Variants in TMCC1 observed in about 807,000 individuals in gnomAD.
TMCC1 encodes the protein transmembrane and coiled-coil domains protein 1.
TMCC1 carries 15 observed loss-of-function variants against 52.4 expected under a neutral mutation model. That is an observed-to-expected ratio of 0.29 (90% CI 0.19 to 0.44). The LOEUF is 0.44. TMCC1 is among the 20% of genes least tolerant of loss of function. TMCC1 has a pLI of 1.00. For missense variants in TMCC1, 503 were observed against 806.0 expected (o/e 0.62, Z 4.55); for synonymous variants, 279 against 301.9 (o/e 0.92, Z 0.79).
chr3:129,869,664 G>C (rs79594172), intron 2 of TMCC1, among the ~76,000 whole-genome samples: 1 of 152,346 alleles, frequency 6.6e-6, no homozygotes, highest in African/African-American at 2.4e-5. Context: ...CCCATAGGTA[G>C]TAATTCTTGG....
At chr3:129,797,571 A>G (rs2056919196) in intron 4 of TMCC1, among the ~76,000 whole-genome samples, 1 of 152,000 alleles carries the variant, frequency 6.6e-6, no homozygotes, top group African/African-American at 2.4e-5. Flanking sequence ...GTGAAACACC[A>G]TCTCTACAAA....
At chr3:129,885,144 A>C (rs573908561) in intron 1 of TMCC1, among the ~76,000 whole-genome samples, 1 of 152,054 alleles carries the variant, frequency 6.6e-6, no homozygotes, top group South Asian at 2.1e-4. Flanking sequence ...GTTTCTACAT[A>C]AATAAGTAAA....
chr3:129,715,727 C>T (rs1402927372), intron 4 of TMCC1, among the ~76,000 whole-genome samples: 2 of 152,074 alleles, frequency 1.3e-5, no homozygotes, highest in African/African-American at 4.8e-5. Flanking sequence ...TTTTACTTGA[C>T]ATTGTGAGTG....
At chr3:129,807,195 T>C (rs59389575) in intron 4 of TMCC1, among the ~76,000 whole-genome samples, 2,365 of 152,224 alleles carry the variant, frequency 0.016, 47 homozygotes, top group African/African-American at 0.054. Flanking sequence ...GGTACTGAAA[T>C]ATATAATTTA....
At chr3:129,681,770 T>C (rs1196526270) in intron 4 of TMCC1, among the ~76,000 whole-genome samples, 1 of 151,962 alleles carries the variant, frequency 6.6e-6, no homozygotes, top group African/African-American at 2.4e-5. Context: ...TAGCCAGGCA[T>C]GGTGGTGCAC....
chr3:129,792,104 TG>T (rs1283620860), intron 4 of TMCC1, among the ~76,000 whole-genome samples: 3 of 151,672 alleles, frequency 2.0e-5, no homozygotes, highest in Admixed American at 2.0e-4. Flanking sequence ...ACTCTACTCC[TG>T]TGGAAAATTA....
chr3:129,701,235 C>T (rs761856674), intron 4 of TMCC1, among the ~76,000 whole-genome samples: 6 of 152,068 alleles, frequency 3.9e-5, no homozygotes, highest in East Asian at 1.9e-4. Context: ...AATTAACATC[C>T]GCAGTCACTG....
chr3:129,655,201 T>C (rs1253588775), intron 5 of TMCC1, 98 bp from the exon 6 acceptor site: 11 of 1,428,436 alleles, frequency 7.7e-6, no homozygotes, highest in Admixed American at 6.6e-5. Flanking sequence ...TACAAAGGAA[T>C]AGAAGCACAA....
rs1029679336 is a variant in TMCC1 at position 129,670,537 on chromosome 3, C to T, written c.1304G>A (p.Ser435Asn). Residue 435 changes from serine (S) to asparagine (N), a missense_variant, in exon 5 of 7, where the codon AGC becomes AAC. Around this residue, in one of 7 missense-constraint regions of TMCC1, gnomAD observed 121 missense variants for 193.6 expected, o/e 0.62. Transcript: ENST00000393238. ...TCCTACAGCGATGCCCCCTGTGGTG[C>T]TGTTGGCTCCCACTGAGCCTGAAGT... The part of the protein sequence containing the change: ...SATSGSVGAN[S>N]TTGGIAVGAS... 6.2e-7 allele frequency: 1 copy of T among 1,614,102 alleles called. No homozygotes were observed. The highest frequency in any genetic ancestry group is 8.5e-7 in the Non-Finnish European group (1 of 1,180,044).
At chr3:129,876,230 C>T (rs2061202982) in intron 2 of TMCC1, among the ~76,000 whole-genome samples, 1 of 148,382 alleles carries the variant, frequency 6.7e-6, no homozygotes, top group Admixed American at 6.8e-5. Flanking sequence ...CTGCTAACTG[C>T]TTTACAATGA....
intron 4 of TMCC1, among the ~76,000 whole-genome samples, chr3:129,721,517 A>G (rs1052924929): frequency 6.6e-6 from 1 of 151,848 alleles, no homozygotes; most frequent in Non-Finnish European, 1.5e-5. Flanking sequence ...TTTTCTTCTC[A>G]AATCCTGCCT....
At chr3:129,839,721 C>G (rs961987049) in intron 2 of TMCC1, among the ~76,000 whole-genome samples, 6 of 151,692 alleles carry the variant, frequency 4.0e-5, no homozygotes, top group African/African-American at 1.5e-4. Context: ...CCCATATCTA[C>G]GAAAAATTTA....
chr3:129,828,430 C>A lies in TMCC1; in HGVS notation c.-52G>T. On this transcript the variant is annotated 5_prime_UTR_variant, in exon 4 of 7. Transcript: ENST00000393238. This position sits in a 1 kb window ranked among gnomAD's most constrained non-coding sequence, Gnocchi z 4.1. ...AACTCAAAAAAATTTTTTAAACACA[C>A]CAAGAGTGTCAAATTAGGTAGGCAT... The A allele has an allele frequency of 1.3e-6, 2 of 1,540,816 alleles. No individual in the cohort carries two copies. The highest frequency in any genetic ancestry group is 1.8e-6 in the Non-Finnish European group (2 of 1,136,682).
chr3:129,890,432 G>A (rs775221169), intron 1 of TMCC1, among the ~76,000 whole-genome samples: 10 of 152,204 alleles, frequency 6.6e-5, no homozygotes, highest in Non-Finnish European at 1.5e-4. Flanking sequence ...GTAAAAATCA[G>A]ATTCTAATTC....
intron 4 of TMCC1, 166 bp downstream of exon 4, chr3:129,827,637 T>A: frequency 1.4e-6 from 1 of 719,220 alleles, no homozygotes; most frequent in Non-Finnish European, 2.3e-6. Flanking sequence ...AAGCATTCAT[T>A]CATTAGCTAT....
At chr3:129,729,741 A>T (rs2050394286) in intron 4 of TMCC1, among the ~76,000 whole-genome samples, 1 of 152,176 alleles carries the variant, frequency 6.6e-6, no homozygotes, top group East Asian at 1.9e-4. Flanking sequence ...GCTTAGCCTA[A>T]CCTACCTTAA....
In TMCC1 at chr3:129,673,348, C is replaced by T. The variant is rs968286589; in HGVS notation, c.577-2084G>A. On this transcript the variant is annotated intron_variant, in intron 4 of 6. Coordinates refer to ENST00000393238, the MANE Select transcript of TMCC1 (RefSeq NM_001017395.5). Reference sequence around the variant, plus strand: ...AGGTTGCACAGGGTTCCAATTGTTGCATTTTCTTTCTGAATGAGATTTCAG... The same window carrying T: ...AGGTTGCACAGGGTTCCAATTGTTGTATTTTCTTTCTGAATGAGATTTCAG... Among the ~76,000 whole-genome samples the T allele has an allele frequency of 2.6e-5, 4 of 152,274 alleles. No individual in the cohort carries two copies. In the South Asian group the frequency reaches 6.2e-4, roughly 24 times the overall value.
At chr3:129,838,029 GAAGAGACA>G (rs2059244071) in intron 2 of TMCC1, among the ~76,000 whole-genome samples, 1 of 152,172 alleles carries the variant, frequency 6.6e-6, no homozygotes, top group Non-Finnish European at 1.5e-5. Context: ...AAGTCCAGAA[GAAGAGACA>G]ACAGAGAAGA....
chr3:129,678,422 A>G (rs2088663625), intron 4 of TMCC1, among the ~76,000 whole-genome samples: 2 of 135,480 alleles, frequency 1.5e-5, no homozygotes, highest in South Asian at 4.6e-4. Flanking sequence ...GTGCAGTGGC[A>G]TAATCTCGGC....
Sources: gnomAD v4.1 joint callset for allele counts (sites outside exome capture counted in the v4.1 genomes callset) on GRCh38, gnomAD v4.1.1 for gene constraint, gnomAD v4.1.1 regional missense constraint, Gnocchi (gnomAD v3.1) non-coding constraint, MANE v1.5 for transcripts, NCBI Gene and HGNC (gene_info 2026-07-23, HGNC 2026-07-21) for gene names.